PDE6H: variants seen among roughly 807,000 people sequenced by gnomAD.
PDE6H encodes retinal cone rhodopsin-sensitive cGMP 3',5'-cyclic phosphodiesterase subunit gamma.
A neutral mutation model predicts 9.2 loss-of-function variants in PDE6H; 11 were observed. That is an observed-to-expected ratio of 1.19 (90% CI 0.75 to 1.97). The LOEUF (loss-of-function observed/expected upper bound fraction) is 1.97, where lower values mean the gene tolerates loss of function less well. Ranked by LOEUF, PDE6H falls within the 30% of genes most tolerant of loss-of-function variation. PDE6H has a pLI of 0.00. For missense variants in PDE6H, 98 were observed against 101.5 expected (o/e 0.97, Z 0.15); for synonymous variants, 36 against 33.6 (o/e 1.07, Z -0.25).
chr12:14,979,486 A>G (rs944924851), intron 3 of PDE6H, among the ~76,000 whole-genome samples: 2 of 152,234 alleles, frequency 1.3e-5, no homozygotes, highest in Admixed American at 1.3e-4. Flanking sequence ...ACAATGATAA[A>G]TTATAGACTT....
Position 14,981,826 on chromosome 12 carries a change from C to T in PDE6H, c.*350C>T, listed in dbSNP as rs1864689585. The T allele has an allele frequency of 2.8e-6, 1 of 361,708 alleles. No homozygotes were observed. Among genetic ancestry groups the T allele is most frequent in the Non-Finnish European group, 5.2e-6 (1 of 192,092 alleles). The allele number at this position is 361,708 out of a possible 1,614,324, so 22.4% of individuals were successfully genotyped here. ...TTTAAGACAACATTTATGTCACTCC[C>T]CACCTCCTCATATTTAATAAAGGAG... is the stretch of plus-strand genomic sequence containing the variant. On this transcript the variant is annotated 3_prime_UTR_variant, in exon 4 of 4. Transcript: ENST00000266395.
chr12:14,979,224 G>A lies in PDE6H; in HGVS notation c.175+5G>A. 6.2e-7 allele frequency: 1 copy of A among 1,600,178 alleles called. No homozygotes were observed. Among genetic ancestry groups the A allele is most frequent in the Non-Finnish European group, 8.6e-7 (1 of 1,167,382 alleles). On this transcript the variant is annotated splice_donor_5th_base_variant and intron_variant, in intron 3 of 3. Coordinates refer to ENST00000266395, the MANE Select transcript of PDE6H (RefSeq NM_006205.3). Reference sequence around the variant, plus strand: ...GAATGGAGGGGCTAGGAACAGGTAAGCCATCCACTGATTTAAGTGAGAACT... The same window carrying A: ...GAATGGAGGGGCTAGGAACAGGTAAACCATCCACTGATTTAAGTGAGAACT...
chr12:14,980,645 G>T (rs558872183), intron 3 of PDE6H, among the ~76,000 whole-genome samples: 14 of 152,244 alleles, frequency 9.2e-5, no homozygotes, highest in Non-Finnish European at 1.9e-4. Flanking sequence ...CCGTATTTTG[G>T]CAAGGTGCAT....
At chr12:14,973,249 G>A (rs1370944130) in intron 1 of PDE6H, among the ~76,000 whole-genome samples, 163 bp downstream of exon 1, 1 of 152,164 alleles carries the variant, frequency 6.6e-6, no homozygotes, top group Non-Finnish European at 1.5e-5. Context: ...GGAGATACAT[G>A]CAGACCTTCT....
chr12:14,975,913 T>G (rs923999646), intron 1 of PDE6H, among the ~76,000 whole-genome samples: 1 of 149,944 alleles, frequency 6.7e-6, no homozygotes, highest in Non-Finnish European at 1.5e-5. Flanking sequence ...CTCCACCTCC[T>G]GGGTTCACAC....
chr12:14,978,227 C>A, intron 2 of PDE6H, 81 bp downstream of exon 2: 2 of 1,317,694 alleles, frequency 1.5e-6, no homozygotes, highest in Non-Finnish European at 2.2e-6. Context: ...AATTGGTGCT[C>A]ACAATATTAA....
chr12:14,979,320 C>T (rs1864646716), intron 3 of PDE6H, 101 bp downstream of exon 3: 1 of 776,042 alleles, frequency 1.3e-6, no homozygotes, highest in African/African-American at 1.7e-5. Context: ...GAGAAATACC[C>T]AAGGCAGAAG....
intron 3 of PDE6H, among the ~76,000 whole-genome samples, chr12:14,980,354 A>G (rs1019139383): frequency 1.3e-5 from 2 of 152,258 alleles, no homozygotes; most frequent in Non-Finnish European, 2.9e-5. Context: ...TTGTAGGGAT[A>G]TACACAGTTT....
chr12:14,974,148 T>A (rs1324672688), intron 1 of PDE6H, among the ~76,000 whole-genome samples: 2 of 152,232 alleles, frequency 1.3e-5, no homozygotes, highest in Admixed American at 1.3e-4. Flanking sequence ...TGCCTAATGC[T>A]TTTGGAGGAA....
At chr12:14,979,297 A>T (rs368193155) in intron 3 of PDE6H, 78 bp downstream of exon 3, 43 of 916,014 alleles carry the variant, frequency 4.7e-5, no homozygotes, top group Non-Finnish European at 6.7e-5. Context: ...CTCAAGGGGC[A>T]GTTGAAAGTT....
chr12:14,981,425 G>A lies in PDE6H; in HGVS notation c.201G>A (p.Glu67=). 1.2e-6 allele frequency: 2 copies of A among 1,613,140 alleles called. No homozygotes were observed. The highest frequency in any genetic ancestry group is 1.7e-6 in the Non-Finnish European group (2 of 1,179,088). ...GTDITVICPW[E]AFSHLELHEL... ...ATATCACAGTGATTTGTCCATGGGA[G>A]GCATTCAGCCACCTGGAATTGCATG... is the stretch of plus-strand genomic sequence containing the variant. Residue 67 remains glutamate, a synonymous_variant, in exon 4 of 4, where the codon GAG becomes GAA. Coordinates refer to ENST00000266395, the MANE Select transcript of PDE6H (RefSeq NM_006205.3).
In PDE6H at chr12:14,981,535, C is replaced by T; in HGVS notation, c.*59C>T. ...TGCTGTAATTTTGGTTGCTTTTGCC[C>T]TGTTGATCTGCCGGAGTCTTGAAAT... On this transcript the variant is annotated 3_prime_UTR_variant, in exon 4 of 4. Coordinates refer to ENST00000266395, the MANE Select transcript of PDE6H (RefSeq NM_006205.3). 2 of 1,117,478 alleles carry T rather than the reference C, an allele frequency of 1.8e-6. No homozygotes were observed. The highest frequency in any genetic ancestry group is 1.2e-5 in the South Asian group (1 of 80,920). The allele number at this position is 1,117,478 out of a possible 1,614,324, so 69.2% of individuals were successfully genotyped here. A position where few individuals can be genotyped will look rare whatever the true frequency, so the allele number is the denominator to read the frequency against.
chr12:14,980,416 AT>A (rs1201334672), intron 3 of PDE6H, among the ~76,000 whole-genome samples: 2 of 152,242 alleles, frequency 1.3e-5, no homozygotes, highest in Non-Finnish European at 1.5e-5. Context: ...CCAATAATGA[AT>A]AAAATGCCCC....
chr12:14,977,978 G>A lies in PDE6H; in HGVS notation c.-35G>A. The A allele has an allele frequency of 4.3e-6, 7 of 1,609,748 alleles. No homozygotes were observed. The highest frequency in any genetic ancestry group is 5.9e-6 in the Non-Finnish European group (7 of 1,177,030). ...TTATCTTTCACTGTCTAAGGAGGCT[G>A]AAAGGGAAACATCAGCCGCCCGGGG... On this transcript the variant is annotated 5_prime_UTR_variant, in exon 2 of 4. Transcript: ENST00000266395.
chr12:14,981,761 T>C lies in PDE6H; in HGVS notation c.*285T>C. On this transcript the variant is annotated 3_prime_UTR_variant, in exon 4 of 4. Transcript: ENST00000266395. ...TTTGTTTATCTGTAAGTCCTTTAAATCTATTTTTGCTAGGCATTCATTATG... is the reference window on the plus strand; with the variant it reads ...TTTGTTTATCTGTAAGTCCTTTAAACCTATTTTTGCTAGGCATTCATTATG... 2 of 513,540 alleles carry C rather than the reference T, an allele frequency of 3.9e-6. No individual in the cohort carries two copies. The highest frequency in any genetic ancestry group is 2.2e-5 in the South Asian group (1 of 46,464). 31.8% of individuals were successfully genotyped at this position (513,540 alleles called of 1,614,324 possible).
At chr12:14,976,104 G>A (rs938540964) in intron 1 of PDE6H, among the ~76,000 whole-genome samples, 13 of 152,274 alleles carry the variant, frequency 8.5e-5, no homozygotes, top group Non-Finnish European at 1.3e-4. Context: ...ACAGGCGTGA[G>A]CCACCGTGCC....
chr12:14,974,683 G>T (rs1045922988), intron 1 of PDE6H, among the ~76,000 whole-genome samples: 1 of 152,234 alleles, frequency 6.6e-6, no homozygotes, highest in African/African-American at 2.4e-5. Context: ...TTCAAGGAAA[G>T]CTTCTTAAGA....
chr12:14,977,882 C>T, intron 1 of PDE6H, 90 bp from the exon 2 acceptor site: 1 of 877,052 alleles, frequency 1.1e-6, no homozygotes, highest in East Asian at 2.6e-5. Flanking sequence ...TGTTGAAGTA[C>T]TTTTCTTCTC....
In PDE6H at chr12:14,981,437, C is replaced by T. The variant is rs773127408; in HGVS notation, c.213C>T (p.His71=). 1 of 1,613,614 alleles carries T rather than the reference C, an allele frequency of 6.2e-7. No individual in the cohort carries two copies. The highest frequency in any genetic ancestry group is 8.5e-7 in the Non-Finnish European group (1 of 1,179,500). The change falls in exon 4 of 4, where the codon CAC becomes CAT. Residue 71 remains histidine, a synonymous_variant. Coordinates refer to ENST00000266395, the MANE Select transcript of PDE6H (RefSeq NM_006205.3). ...TTTGTCCATGGGAGGCATTCAGCCACCTGGAATTGCATGAGCTCGCTCAGT... is the reference window on the plus strand; with the variant it reads ...TTTGTCCATGGGAGGCATTCAGCCATCTGGAATTGCATGAGCTCGCTCAGT... ...TVICPWEAFS[H]LELHELAQFG...
Sources: allele counts gnomAD v4.1 joint callset (sites outside exome capture counted in the v4.1 genomes callset), GRCh38; gene constraint gnomAD v4.1.1; transcripts MANE v1.5; gene names NCBI Gene and HGNC (gene_info 2026-07-23, HGNC 2026-07-21).